PRIM2: variants seen among roughly 807,000 people sequenced by gnomAD.
The protein encoded by PRIM2 is DNA primase large subunit.
In PRIM2, 39 loss-of-function variants were observed where a neutral mutation model predicts 67.3. That is an observed-to-expected ratio of 0.58 (90% confidence interval 0.45 to 0.76). The LOEUF is 0.76. Ranked by LOEUF, PRIM2 falls within the 30% of genes least tolerant of loss-of-function variation. The pLI is 0.00. For missense variants in PRIM2, 398 were observed against 598.7 expected, an observed-to-expected ratio of 0.66 and a Z score of 3.50; for synonymous variants, 143 against 198.7, an observed-to-expected ratio of 0.72 and a Z score of 2.36.
At position 57,405,849 on chromosome 6, in the gene PRIM2, G is replaced by T. The variant is rs546037362; in HGVS notation, c.693+23681G>T. 3.2e-3 allele frequency among the ~76,000 whole-genome samples: 490 copies of T among 151,896 alleles called. 7 individuals are homozygous for T. The highest frequency in any genetic ancestry group is 1.2e-3 in the Non-Finnish European group (80 of 67,968). On this transcript the variant is annotated intron_variant, in intron 7 of 13. Transcript: ENST00000615550. ...GAACATATATGAGAAATTTAATTGT[G>T]TCTGGTACACAGTATATGCTTATTA...
intron 7 of PRIM2, among the ~76,000 whole-genome samples, chr6:57,422,158 C>CTTTTTTTTTTTTTT (rs575958629): frequency 0.09 from 9,208 of 101,748 alleles, 1,747 homozygotes; most frequent in Non-Finnish European, 0.11. Flanking sequence ...TCTTTTCTTT[C>CTTTTTTTTTTTTTT]TTTTTTTTTT....
At chr6:57,378,589 T>G (rs1363297848) in intron 5 of PRIM2, among the ~76,000 whole-genome samples, 1 of 152,160 alleles carries the variant, frequency 6.6e-6, no homozygotes, top group Non-Finnish European at 1.5e-5. Context: ...TACTTTGAGG[T>G]GTAATGTGAA....
intron 10 of PRIM2, among the ~76,000 whole-genome samples, chr6:57,553,927 C>T (rs1330979231): frequency 1.3e-5 from 2 of 152,094 alleles, no homozygotes; most frequent in African/African-American, 2.4e-5. Flanking sequence ...CATCCCTATC[C>T]CATGTATGGG....
Position 57,421,658 on chromosome 6 carries a change from TA to T in PRIM2, c.693+39491del, listed in dbSNP as rs149345485. On this transcript the variant is annotated intron_variant, in intron 7 of 13. Coordinates refer to ENST00000615550, the MANE Select transcript of PRIM2 (RefSeq NM_000947.5). The stretch of plus-strand genomic sequence containing the variant: ...TTTTGCCAGACTATTCAGTGATAGC[TA>T]TTTGCATGCTGTCTTTCCTTTTATT... 3.9e-3 allele frequency among the ~76,000 whole-genome samples: 590 copies of T among 152,352 alleles called. 2 individuals carry two copies. The highest frequency in any genetic ancestry group is 0.014 in the African/African-American group (570 of 41,592).
chr6:57,642,435 C>CTTTTGTTTTTT (rs1777256558), intron 13 of PRIM2, among the ~76,000 whole-genome samples: 1 of 83,184 alleles, frequency 1.2e-5, no homozygotes, highest in Non-Finnish European at 2.1e-5. Flanking sequence ...AATATTATAT[C>CTTTTGTTTTTT]TTTTTTTTTT....
chr6:57,534,061 A>G (rs1774947557), intron 9 of PRIM2, among the ~76,000 whole-genome samples: 1 of 152,062 alleles, frequency 6.6e-6, no homozygotes, highest in Admixed American at 6.5e-5. Flanking sequence ...ATCCCTTGGT[A>G]TTTGCAACTC....
At chr6:57,398,082 T>C (rs572047469) in intron 7 of PRIM2, among the ~76,000 whole-genome samples, 2 of 151,584 alleles carry the variant, frequency 1.3e-5, no homozygotes, top group African/African-American at 4.8e-5. Context: ...ACCTCAGCCT[T>C]CTGAGTTGCT....
intron 7 of PRIM2, among the ~76,000 whole-genome samples, chr6:57,395,634 T>C (rs1194436804): frequency 3.3e-5 from 5 of 152,186 alleles, no homozygotes; most frequent in African/African-American, 1.2e-4. Context: ...ATTTATCTTT[T>C]GTATTGTTTT....
the PRIM2 span, among the ~76,000 whole-genome samples, chr6:57,244,973 A>C: frequency 6.6e-6 from 1 of 152,240 alleles, no homozygotes; most frequent in African/African-American, 2.4e-5. Context: ...CAGGTCAGTG[A>C]GTTAGTTGAT....
At chr6:57,226,067 A>G in the PRIM2 span, among the ~76,000 whole-genome samples, 1 of 152,190 alleles carries the variant, frequency 6.6e-6, no homozygotes, top group Non-Finnish European at 1.5e-5. Context: ...AAAAATACAT[A>G]TTGTGCCAAG....
rs116623897 is a variant in PRIM2, at chr6:57,424,160, C to T, written c.693+41992C>T. Among the ~76,000 whole-genome samples the T allele has an allele frequency of 8.9e-4, 135 of 152,202 alleles. 1 individual carries two copies. Among genetic ancestry groups the T allele is most frequent in the Non-Finnish European group, 1.7e-3 (116 of 68,002 alleles). On this transcript the variant is annotated intron_variant, in intron 7 of 13. Transcript: ENST00000615550. The stretch of plus-strand genomic sequence containing the variant: ...GACCTAATTTAAACATCAGGCACTC[C>T]GAGAAAGTAGAGATTCTTTTTCTGT...
intron 7 of PRIM2, among the ~76,000 whole-genome samples, chr6:57,485,190 T>C (rs1224234002): frequency 2.6e-5 from 4 of 151,870 alleles, no homozygotes. Context: ...GAAATCATAC[T>C]TTCACATCCT....
intron 8 of PRIM2, among the ~76,000 whole-genome samples, chr6:57,525,302 C>T: frequency 6.6e-6 from 1 of 152,128 alleles, no homozygotes; most frequent in Non-Finnish European, 1.5e-5. Context: ...CTTTTATGAA[C>T]CTGGTCAAAA....
At chr6:57,583,901 T>C (rs1418192946) in intron 10 of PRIM2, among the ~76,000 whole-genome samples, 2 of 152,302 alleles carry the variant, frequency 1.3e-5, no homozygotes, top group Non-Finnish European at 2.9e-5. Context: ...GAAACCTTAG[T>C]TTCCTCATTT....
At chr6:57,566,246 A>G (rs1775738015) in intron 10 of PRIM2, among the ~76,000 whole-genome samples, 1 of 151,774 alleles carries the variant, frequency 6.6e-6, no homozygotes, top group Non-Finnish European at 1.5e-5. Flanking sequence ...CTTTTTGGCA[A>G]GAATCCTTCA....
chr6:57,550,370 C>A (rs1775376190), intron 10 of PRIM2, among the ~76,000 whole-genome samples: 2 of 152,110 alleles, frequency 1.3e-5, no homozygotes, highest in African/African-American at 2.4e-5. Context: ...AATATTTAAA[C>A]ATTGACTTGA....
chr6:57,594,989 GAATA>G (rs1356172268), intron 10 of PRIM2, among the ~76,000 whole-genome samples: 9 of 152,252 alleles, frequency 5.9e-5, no homozygotes, highest in Middle Eastern at 3.4e-3. Context: ...ATAAAATAAG[GAATA>G]TCACTGGTCA....
chr6:57,380,460 T>C (rs1467489096), intron 6 of PRIM2, among the ~76,000 whole-genome samples: 1 of 152,190 alleles, frequency 6.6e-6, no homozygotes, highest in South Asian at 2.1e-4. Flanking sequence ...TTTTTTCCTA[T>C]GGGAATGCCC....
At chr6:57,240,589 A>G in the PRIM2 span, among the ~76,000 whole-genome samples, 1 of 152,296 alleles carries the variant, frequency 6.6e-6, no homozygotes, top group Non-Finnish European at 1.5e-5. Flanking sequence ...AGAGGTAGAG[A>G]GAAGTCCCAG....
Sources: allele counts gnomAD v4.1 joint callset (sites outside exome capture counted in the v4.1 genomes callset), GRCh38; gene constraint gnomAD v4.1.1; transcripts MANE v1.5; gene names NCBI Gene and HGNC (gene_info 2026-07-23, HGNC 2026-07-21).